The following CALD1 variants were observed in gnomAD, a reference collection of about 807,000 sequenced individuals.
CALD1 encodes caldesmon 1.
Under a neutral mutation model 99.9 loss-of-function variants are expected in CALD1, and 33 were observed. That is an observed-to-expected ratio of 0.33 (90% CI 0.25 to 0.44). The LOEUF is 0.44. CALD1 is among the 20% of genes least tolerant of loss of function. CALD1 has a pLI of 1.00. For synonymous variants in CALD1, 310 were observed against 325.0 expected, an observed-to-expected ratio of 0.95 and a Z score of 0.50; for missense variants, 861 against 962.1, an observed-to-expected ratio of 0.89 and a Z score of 1.39.
chr7:134,902,948 G>A (rs752236644), intron 3 of CALD1, among the ~76,000 whole-genome samples: 1 of 152,104 alleles, frequency 6.6e-6, no homozygotes, highest in Non-Finnish European at 1.5e-5. Flanking sequence ...TAAATAAACT[G>A]TGGTGCACCC....
At chr7:134,847,177 G>C (rs1156914141) in intron 2 of CALD1, among the ~76,000 whole-genome samples, 1 of 152,228 alleles carries the variant, frequency 6.6e-6, no homozygotes, top group Non-Finnish European at 1.5e-5. Context: ...CTGTGGGCCA[G>C]TATTTTTGAA....
At chr7:134,861,316 C>T (rs1261414934) in intron 2 of CALD1, among the ~76,000 whole-genome samples, 3 of 152,160 alleles carry the variant, frequency 2.0e-5, no homozygotes, top group East Asian at 1.9e-4. Context: ...TCAAGGTAAG[C>T]GATGATCATT....
intron 3 of CALD1, among the ~76,000 whole-genome samples, chr7:134,882,340 C>G (rs751894533): frequency 6.6e-6 from 1 of 152,150 alleles, no homozygotes; most frequent in Non-Finnish European, 1.5e-5. Context: ...AGATTTATCT[C>G]ATGTATTTTT....
chr7:134,752,650 G>A (rs763841222), intron 1 of CALD1, among the ~76,000 whole-genome samples: 2 of 152,088 alleles, frequency 1.3e-5, no homozygotes, highest in South Asian at 2.1e-4. Context: ...AATAAATTTC[G>A]AGCCTGATTT....
chr7:134,863,095 A>T (rs1404928395), intron 2 of CALD1, among the ~76,000 whole-genome samples: 3 of 152,042 alleles, frequency 2.0e-5, no homozygotes, highest in Non-Finnish European at 4.4e-5. Context: ...ACACCATCAT[A>T]TTGGATAAGG....
At chr7:134,820,695 T>C (rs1798739895) in intron 1 of CALD1, among the ~76,000 whole-genome samples, 1 of 152,208 alleles carries the variant, frequency 6.6e-6, no homozygotes, top group Admixed American at 6.5e-5. Context: ...AGATTTTCCA[T>C]AAATGCTAGA....
At chr7:134,779,418 G>A, upstream of CALD1, 1 of 363,978 alleles carries the variant, frequency 2.7e-6, no homozygotes, top group Middle Eastern at 7.2e-4. Flanking sequence ...TTTCTGATGA[G>A]TGATTTCCTG....
Position 134,947,503 on chromosome 7 carries a change from C to T in CALD1, c.1533-5C>T. On this transcript the variant is annotated splice_polypyrimidine_tract_variant and splice_region_variant and intron_variant, in intron 7 of 14. Transcript: ENST00000361675. ...AAACCCCTTTCCATTGCCCCCCAAC[C>T]ACAGCCGCCCTGGAGGGAGGGCCAG... 2.6e-6 allele frequency: 4 copies of T among 1,566,232 alleles called. No individual in the cohort carries two copies. The highest frequency in any genetic ancestry group is 2.6e-6 in the Non-Finnish European group (3 of 1,155,062).
At chr7:134,863,820 A>G (rs1288753428) in intron 2 of CALD1, among the ~76,000 whole-genome samples, 1 of 152,224 alleles carries the variant, frequency 6.6e-6, no homozygotes, top group African/African-American at 2.4e-5. Context: ...CATTTCCGAC[A>G]CAGGGTGGGA....
At position 134,803,634 on chromosome 7, in the gene CALD1, C is replaced by T. The variant is rs115003409; in HGVS notation, c.-130+23885C>T. ...AGAACAATCTGTCAAAAAACCTTGT[C>T]TTTATGAATTGTATTGACTCCTTGT... On this transcript the variant is annotated intron_variant, in intron 1 of 14. Transcript: ENST00000361675. 4.4e-3 allele frequency among the ~76,000 whole-genome samples: 659 copies of T among 151,298 alleles called. 4 individuals carry two copies. The highest frequency in any genetic ancestry group is 0.015 in the African/African-American group (636 of 41,254).
intron 1 of CALD1, among the ~76,000 whole-genome samples, chr7:134,772,166 C>T (rs1796882958): frequency 6.7e-6 from 1 of 149,806 alleles, no homozygotes; most frequent in Non-Finnish European, 1.5e-5. Context: ...GCAAACATGA[C>T]TCACTGTAGC....
chr7:134,883,459 G>A (rs1049917454), intron 3 of CALD1, among the ~76,000 whole-genome samples: 11 of 151,592 alleles, frequency 7.3e-5, no homozygotes. Flanking sequence ...TGAGAAAATT[G>A]GATATTTTTA....
chr7:134,791,263 C>G (rs1278553036), intron 1 of CALD1, among the ~76,000 whole-genome samples: 1 of 152,232 alleles, frequency 6.6e-6, no homozygotes, highest in Non-Finnish European at 1.5e-5. Context: ...GTGGCACGAT[C>G]TCGGCTCACT....
Position 134,783,290 on chromosome 7 carries a change from C to G in CALD1, c.-130+3541C>G, listed in dbSNP as rs1797179576. On this transcript the variant is annotated intron_variant, in intron 1 of 14. Coordinates refer to ENST00000361675, the MANE Select transcript of CALD1 (RefSeq NM_033138.4). The surrounding 1 kb of genome is among the most constrained non-coding windows in gnomAD (Gnocchi z 4.3). Reference sequence around the variant, plus strand: ...GTTGCATCCCTAACTTCCTTACCCCCAGGCCTCCACCTGTAACCTCTTCCC... The same window carrying G: ...GTTGCATCCCTAACTTCCTTACCCCGAGGCCTCCACCTGTAACCTCTTCCC... 6.6e-6 allele frequency among the ~76,000 whole-genome samples: 1 copy of G among 152,196 alleles called. No homozygotes were observed. The highest frequency in any genetic ancestry group is 1.9e-4 in the East Asian group (1 of 5,192).
chr7:134,734,980 AC>A, the CALD1 span: 1 of 229,716 alleles, frequency 4.4e-6, no homozygotes, highest in Non-Finnish European at 8.7e-6. Context: ...GTAGGCAAAC[AC>A]CAGGTCATTC....
At chr7:134,926,774 C>T (rs1297825571) in intron 3 of CALD1, among the ~76,000 whole-genome samples, 1 of 152,034 alleles carries the variant, frequency 6.6e-6, no homozygotes, top group Non-Finnish European at 1.5e-5. Flanking sequence ...ATTATTTTGG[C>T]TTTGCAATGA....
intron 1 of CALD1, among the ~76,000 whole-genome samples, chr7:134,756,254 G>GC (rs1796727134): frequency 7.9e-6 from 1 of 126,620 alleles, no homozygotes; most frequent in Non-Finnish European, 1.6e-5. Context: ...CCTGGGGAAC[G>GC]AGAGTGAGAC....
Position 134,958,122 on chromosome 7 carries a change from C to T in CALD1, c.1979+10C>T, listed in dbSNP as rs1351774106. ...AGTCTGTGCAGAAAAGGTAAATATG[C>T]TTGATGGTTCAATTGAGCTAATCAG... is the stretch of plus-strand genomic sequence containing the variant. On this transcript the variant is annotated intron_variant, in intron 10 of 14. Coordinates refer to ENST00000361675, the MANE Select transcript of CALD1 (RefSeq NM_033138.4). The T allele has an allele frequency of 6.2e-7, 1 of 1,609,392 alleles. No individual in the cohort carries two copies. The highest frequency in any genetic ancestry group is 8.5e-7 in the Non-Finnish European group (1 of 1,176,482).
chr7:134,923,573 A>G (rs776676983), intron 3 of CALD1, among the ~76,000 whole-genome samples: 4 of 152,234 alleles, frequency 2.6e-5, no homozygotes, highest in Admixed American at 6.5e-5. Context: ...TTTTATTACA[A>G]TCCAGTGGTT....
Sources: allele counts gnomAD v4.1 joint callset (sites outside exome capture counted in the v4.1 genomes callset), GRCh38; gene constraint gnomAD v4.1.1; non-coding constraint Gnocchi (gnomAD v3.1); transcripts MANE v1.5; gene names NCBI Gene and HGNC (gene_info 2026-07-23, HGNC 2026-07-21).